The following ALCAM variants were observed in gnomAD, a reference collection of about 807,000 sequenced individuals.
The protein encoded by ALCAM is CD166 antigen.
A neutral mutation model predicts 70.9 loss-of-function variants in ALCAM; 30 were observed. The ratio of observed to expected loss-of-function variants is 0.42; its 90% CI spans 0.32 to 0.57. The LOEUF (loss-of-function observed/expected upper bound fraction) is 0.57. Ranked by LOEUF, ALCAM falls within the 20% of genes least tolerant of loss-of-function variation. The pLI is 0.11. For synonymous variants in ALCAM, 249 were observed against 242.5 expected (o/e 1.03, Z -0.25); for missense variants, 591 against 695.1 (o/e 0.85, Z 1.68).
At chr3:105,419,130 A>G (rs766124717) in intron 1 of ALCAM, among the ~76,000 whole-genome samples, 7 of 151,260 alleles carry the variant, frequency 4.6e-5, no homozygotes, top group South Asian at 2.1e-4. Context: ...ATACCTATGT[A>G]TACAAAATAA....
At chr3:105,441,589 G>A (rs1345637176) in intron 1 of ALCAM, among the ~76,000 whole-genome samples, 1 of 152,198 alleles carries the variant, frequency 6.6e-6, no homozygotes, top group Non-Finnish European at 1.5e-5. Context: ...AACTGACCTT[G>A]ACTGTGCATC....
chr3:105,548,901 CA>C (rs1361769302), intron 11 of ALCAM, among the ~76,000 whole-genome samples: 1 of 150,898 alleles, frequency 6.6e-6, no homozygotes, highest in Non-Finnish European at 1.5e-5. Context: ...ATAACTGCAG[CA>C]AAAAAGAACC....
At chr3:105,456,473 C>T (rs1937536669) in intron 1 of ALCAM, among the ~76,000 whole-genome samples, 1 of 152,172 alleles carries the variant, frequency 6.6e-6, no homozygotes, top group South Asian at 2.1e-4. Flanking sequence ...TCCTTTCCTG[C>T]TGTTTTTCTA....
chr3:105,488,674 G>C (rs189716028), intron 1 of ALCAM, among the ~76,000 whole-genome samples: 1 of 148,970 alleles, frequency 6.7e-6, no homozygotes, highest in Non-Finnish European at 1.5e-5. Context: ...AAGGGAAGGG[G>C]AAGGGAAGGG....
rs1009731024 is a variant in ALCAM at position 105,405,428 on chromosome 3, T to C, written c.73+37947T>C. Among the ~76,000 whole-genome samples the C allele has an allele frequency of 3.6e-4, 54 of 151,060 alleles. 1 individual carries two copies. The highest frequency in any genetic ancestry group is 1.2e-3 in the African/African-American group (50 of 40,966). ...AACAATTACTACCAGACCTAAGAAA[T>C]GAGATCGATGACAACACAATAATAG... On this transcript the variant is annotated intron_variant, in intron 1 of 15. Coordinates refer to ENST00000306107, the MANE Select transcript of ALCAM (RefSeq NM_001627.4).
intron 1 of ALCAM, among the ~76,000 whole-genome samples, chr3:105,407,316 C>T (rs957372430): frequency 4.0e-5 from 6 of 150,488 alleles, no homozygotes; most frequent in African/African-American, 1.5e-4. Flanking sequence ...ATGCAAAAAT[C>T]CTAAACAAAA....
At chr3:105,564,777 G>A (rs1228011264) in intron 14 of ALCAM, among the ~76,000 whole-genome samples, 1 of 152,216 alleles carries the variant, frequency 6.6e-6, no homozygotes, top group Non-Finnish European at 1.5e-5. Flanking sequence ...CCAGGTGGGT[G>A]GCTCACACTT....
Position 105,491,944 on chromosome 3 carries a change from C to T in ALCAM, c.74-28123C>T, listed in dbSNP as rs369824222. On this transcript the variant is annotated intron_variant, in intron 1 of 15. Transcript: ENST00000306107. The stretch of plus-strand genomic sequence containing the variant: ...ACATGTTTCGGCATCTTTACAGCAG[C>T]GCCCCACTACCCGGTACCAATTTTC... 2.7e-4 allele frequency among the ~76,000 whole-genome samples: 41 copies of T among 152,254 alleles called. No individual in the cohort carries two copies. In the South Asian group the frequency reaches 7.9e-3, roughly 29 times the overall value.
At position 105,532,093 on chromosome 3, in the gene ALCAM, T is replaced by TAA. The variant is rs144776789; in HGVS notation, c.459+27_459+28insAA. The TAA allele has an allele frequency of 2.6e-3, 4,127 of 1,591,428 alleles. 59 individuals are homozygous for TAA. In the African/African-American group the frequency reaches 0.042, roughly 16 times the overall value. On this transcript the variant is annotated intron_variant, in intron 4 of 15. Coordinates refer to ENST00000306107, the MANE Select transcript of ALCAM (RefSeq NM_001627.4). ...TAAGAATTGTTTTTGATTAATACCT[T>TAA]TATTTAGCCAGTGTTGTAAGTGCCT...
intron 1 of ALCAM, among the ~76,000 whole-genome samples, chr3:105,376,471 T>G (rs1350614148): frequency 6.6e-6 from 1 of 152,238 alleles, no homozygotes; most frequent in Non-Finnish European, 1.5e-5. Context: ...CAATTGATCA[T>G]TCAGCATATA....
intron 1 of ALCAM, among the ~76,000 whole-genome samples, chr3:105,468,418 T>C (rs1437996561): frequency 6.6e-6 from 1 of 151,326 alleles, no homozygotes; most frequent in African/African-American, 2.4e-5. Flanking sequence ...AATAGTAAAC[T>C]CTTCTTTTAA....
chr3:105,367,288 C>T lies in ALCAM; in HGVS notation c.-121C>T, dbSNP rs2107308066. 1.1e-6 allele frequency: 1 copy of T among 937,082 alleles called. No individual in the cohort carries two copies. Among genetic ancestry groups the T allele is most frequent in the Non-Finnish European group, 1.6e-6 (1 of 606,188 alleles). 58.0% of individuals were successfully genotyped at this position (937,082 alleles called of 1,614,324 possible). ...CGCCACAGCCCAGGGGACGGTGTGT[C>T]TGGGAGAAGACGCTGCCCCTGCGTC... On this transcript the variant is annotated 5_prime_UTR_variant, in exon 1 of 16. Transcript: ENST00000306107.
chr3:105,516,633 CGTATT>C (rs760752542), intron 1 of ALCAM, among the ~76,000 whole-genome samples: 2 of 151,966 alleles, frequency 1.3e-5, no homozygotes, highest in Non-Finnish European at 2.9e-5. Flanking sequence ...CATTTTATAT[CGTATT>C]GTATGTTAAG....
At chr3:105,547,056 C>T in intron 9 of ALCAM, 93 bp from the exon 10 acceptor site, 11 of 1,054,988 alleles carry the variant, frequency 1.0e-5, no homozygotes, top group Admixed American at 2.9e-5. Context: ...ATATTATTCC[C>T]AGAAGAATTG....
intron 1 of ALCAM, among the ~76,000 whole-genome samples, chr3:105,433,428 A>T (rs184232846): frequency 6.6e-6 from 1 of 152,296 alleles, no homozygotes; most frequent in Non-Finnish European, 1.5e-5. Flanking sequence ...CTTCTTTCGG[A>T]TGGGACTAAA....
intron 1 of ALCAM, among the ~76,000 whole-genome samples, chr3:105,452,846 T>C (rs925379063): frequency 5.3e-5 from 8 of 152,220 alleles, no homozygotes; most frequent in African/African-American, 1.7e-4. Context: ...TTTTTTCATA[T>C]GTTTGTTGGC....
At position 105,520,070 on chromosome 3, in the gene ALCAM, T is replaced by C. The variant is rs1382039647; in HGVS notation, c.77T>C (p.Leu26Pro). 1 of 1,601,196 alleles carries C rather than the reference T, an allele frequency of 6.2e-7. No homozygotes were observed. Among genetic ancestry groups the C allele is most frequent in the African/African-American group, 1.3e-5 (1 of 74,590 alleles). Residue 26 changes from leucine to proline, a missense_variant, in exon 2 of 16, where the codon CTT becomes CCT. Physicochemically the swap from Leu to Pro is moderately conservative, Grantham distance 98. Transcript: ENST00000306107. ...LISATVFRPG[L>P]GWYTVNSAYG... ...CCTTTTTTTTTTTCCCCCAAAGGCC[T>C]TGGATGGTATACTGTAAATTCAGCA...
At position 105,524,281 on chromosome 3, in the gene ALCAM, AT is replaced by A; in HGVS notation, c.175-3del. Reference sequence around the variant, plus strand: ...TGTGTTTAAATGTATTATTATTTTAATTTTTAGGAAAAGCCCGATGGCTCCC... The same window carrying A: ...TGTGTTTAAATGTATTATTATTTTAATTTTAGGAAAAGCCCGATGGCTCCC... On this transcript the variant is annotated splice_polypyrimidine_tract_variant and splice_region_variant and intron_variant, in intron 2 of 15. Transcript: ENST00000306107. The A allele has an allele frequency of 6.2e-7, 1 of 1,603,646 alleles. No homozygotes were observed. The highest frequency in any genetic ancestry group is 8.5e-7 in the Non-Finnish European group (1 of 1,174,274).
intron 8 of ALCAM, among the ~76,000 whole-genome samples, chr3:105,543,390 C>T (rs1940170679): frequency 6.6e-6 from 1 of 151,702 alleles, no homozygotes; most frequent in Non-Finnish European, 1.5e-5. Context: ...CTGTTGCTGA[C>T]TCTGTTCCTC....
Sources: gnomAD v4.1 joint callset for allele counts (sites outside exome capture counted in the v4.1 genomes callset) on GRCh38, gnomAD v4.1.1 for gene constraint, MANE v1.5 for transcripts, NCBI Gene and HGNC (gene_info 2026-07-23, HGNC 2026-07-21) for gene names.